LOXHD1: variants seen among roughly 807,000 people sequenced by gnomAD.
LOXHD1 encodes the protein lipoxygenase homology PLAT domains 1.
LOXHD1 carries 205 observed loss-of-function variants against 248.2 expected under a neutral mutation model. The observed-to-expected ratio is 0.83, with a 90% CI of 0.74 to 0.93. The LOEUF (loss-of-function observed/expected upper bound fraction) is 0.93, where lower values mean the gene tolerates loss of function less well. Among genes scored for constraint, LOXHD1 ranks in the 40% least tolerant of loss-of-function variants. The pLI, the probability that LOXHD1 is intolerant of heterozygous loss-of-function variation, is 0.00. For synonymous variants in LOXHD1, 1,113 were observed against 1,162.8 expected (o/e 0.96, Z 0.87); for missense variants, 2,930 against 2,971.6 (o/e 0.99, Z 0.33).
intron 6 of LOXHD1, among the ~76,000 whole-genome samples, chr18:46,605,256 G>A (rs1161387045): frequency 6.6e-6 from 1 of 152,172 alleles, no homozygotes; most frequent in Non-Finnish European, 1.5e-5. Context: ...GGCTGGGCGT[G>A]GTGGCTCACA....
intron 40 of LOXHD1, among the ~76,000 whole-genome samples, chr18:46,481,343 T>C (rs767961119): frequency 6.6e-6 from 1 of 151,782 alleles, no homozygotes; most frequent in Non-Finnish European, 1.5e-5. Flanking sequence ...GCGACAGGTT[T>C]TCATCCAGCA....
intron 12 of LOXHD1, among the ~76,000 whole-genome samples, chr18:46,580,880 C>T (rs1354840234): frequency 6.6e-6 from 1 of 152,058 alleles, no homozygotes; most frequent in Non-Finnish European, 1.5e-5. Flanking sequence ...ATGTATGTTC[C>T]AGGAGCAGAG....
At chr18:46,549,776 A>G (rs1459625293) in intron 21 of LOXHD1, among the ~76,000 whole-genome samples, 2 of 152,258 alleles carry the variant, frequency 1.3e-5, no homozygotes, top group African/African-American at 2.4e-5. Context: ...CAAGAATGGT[A>G]TCTGTCTTTA....
intron 8 of LOXHD1, among the ~76,000 whole-genome samples, chr18:46,598,151 T>G (rs1434599087): frequency 6.6e-6 from 1 of 152,132 alleles, no homozygotes; most frequent in Admixed American, 6.5e-5. Context: ...AAAAAAGCAG[T>G]TAGTTTGCCA....
chr18:46,486,675 A>G (rs16978568), intron 38 of LOXHD1, among the ~76,000 whole-genome samples: 15,330 of 152,136 alleles, frequency 0.1, 861 homozygotes, highest in Non-Finnish European at 0.12. Context: ...GGTTAGGGAA[A>G]TGGTTTGTCA....
At chr18:46,490,161 C>T (rs570816762) in intron 37 of LOXHD1, among the ~76,000 whole-genome samples, 1 of 152,232 alleles carries the variant, frequency 6.6e-6, no homozygotes, top group Admixed American at 6.5e-5. Context: ...ACCAAAGGAC[C>T]CCAGGCAGGA....
intron 12 of LOXHD1, among the ~76,000 whole-genome samples, chr18:46,585,664 T>A (rs559816910): frequency 2.4e-4 from 36 of 152,276 alleles, no homozygotes; most frequent in African/African-American, 8.7e-4. Flanking sequence ...CTCAGCTGAC[T>A]TATTTGTAGA....
chr18:46,485,592 G>A (rs2032986650), intron 38 of LOXHD1, among the ~76,000 whole-genome samples: 1 of 152,130 alleles, frequency 6.6e-6, no homozygotes, highest in Admixed American at 6.5e-5. Context: ...TTGTCTTGGT[G>A]TCACTCCATC....
chr18:46,546,443 CA>C (rs1359935166), intron 22 of LOXHD1, among the ~76,000 whole-genome samples: 1 of 151,674 alleles, frequency 6.6e-6, no homozygotes, highest in Non-Finnish European at 1.5e-5. Flanking sequence ...CAATGCATTC[CA>C]TTCCATTTCA....
intron 21 of LOXHD1, among the ~76,000 whole-genome samples, chr18:46,554,760 T>C (rs1228911525): frequency 6.6e-6 from 1 of 152,098 alleles, no homozygotes; most frequent in African/African-American, 2.4e-5. Context: ...AGCAATAAAA[T>C]ATAATATACC....
chr18:46,531,017 A>G (rs1419661438), intron 28 of LOXHD1, among the ~76,000 whole-genome samples: 2 of 152,044 alleles, frequency 1.3e-5, no homozygotes, highest in Admixed American at 1.3e-4. Flanking sequence ...AGACTCCAAC[A>G]TTGCAAACTC....
chr18:46,601,380 C>G lies in LOXHD1; in HGVS notation c.971G>C (p.Arg324Thr). The change falls in exon 8 of 41, where the codon AGA becomes ACA. Residue 324 changes from arginine to threonine, a missense_variant. Physicochemically the swap from Arg to Thr is moderately conservative, Grantham distance 71 (BLOSUM62 -1). Coordinates refer to ENST00000642948, the MANE Select transcript of LOXHD1 (RefSeq NM_001384474.1). Reference protein sequence around the residue: ...SKIYLVMYGARGNKNSGKIFL... With the variant: ...SKIYLVMYGATGNKNSGKIFL... ...GATTTTCCCACTGTTCTTATTCCCT[C>G]TGGCCCCATACATGACCAAGTAGAT... 3 of 1,551,760 alleles carry G rather than the reference C, an allele frequency of 1.9e-6. No individual in the cohort carries two copies. Among genetic ancestry groups the G allele is most frequent in the Non-Finnish European group, 2.6e-6 (3 of 1,147,010 alleles).
chr18:46,603,257 G>A (rs1212996579), intron 7 of LOXHD1, among the ~76,000 whole-genome samples: 1 of 152,024 alleles, frequency 6.6e-6, no homozygotes, highest in Non-Finnish European at 1.5e-5. Context: ...TCCGAGGATA[G>A]AGAGAGAGAA....
chr18:46,549,817 C>T (rs1015727984), intron 21 of LOXHD1, among the ~76,000 whole-genome samples: 3 of 152,192 alleles, frequency 2.0e-5, no homozygotes, highest in South Asian at 2.1e-4. Context: ...ACCCCCCAGG[C>T]CATCAATTAA....
intron 2 of LOXHD1, among the ~76,000 whole-genome samples, chr18:46,648,871 G>A (rs930710906): frequency 6.6e-6 from 1 of 152,130 alleles, no homozygotes; most frequent in Admixed American, 6.5e-5. Flanking sequence ...AAAGTCACAC[G>A]GAACTAAGGA....
chr18:46,610,682 G>C, intron 6 of LOXHD1, 94 bp downstream of exon 6: 1 of 1,396,012 alleles, frequency 7.2e-7, no homozygotes, highest in Non-Finnish European at 9.5e-7. Context: ...GATGGACCTA[G>C]AGAGGAAAGT....
intron 28 of LOXHD1, among the ~76,000 whole-genome samples, chr18:46,530,992 G>A (rs947712697): frequency 1.3e-5 from 2 of 152,044 alleles, no homozygotes; most frequent in South Asian, 2.1e-4. Context: ...CCTAGAGGGC[G>A]TCTCCACGTT....
At chr18:46,523,068 C>T (rs1261850931) in intron 31 of LOXHD1, among the ~76,000 whole-genome samples, 1 of 152,162 alleles carries the variant, frequency 6.6e-6, no homozygotes, top group African/African-American at 2.4e-5. Flanking sequence ...CTCCCTCAGC[C>T]TCCTGAGTAG....
intron 17 of LOXHD1, among the ~76,000 whole-genome samples, chr18:46,565,373 C>T (rs1376771378): frequency 1.3e-5 from 2 of 152,200 alleles, no homozygotes; most frequent in Non-Finnish European, 2.9e-5. Flanking sequence ...TCCCCCACAC[C>T]ATTGCTAACC....
Sources: allele counts gnomAD v4.1 joint callset (sites outside exome capture counted in the v4.1 genomes callset), GRCh38; gene constraint gnomAD v4.1.1; transcripts MANE v1.5; gene names NCBI Gene and HGNC (gene_info 2026-07-23, HGNC 2026-07-21).